ATP1B3: variants seen among roughly 807,000 people sequenced by gnomAD.
ATP1B3 encodes the protein ATPase Na+/K+ transporting subunit beta 3.
In ATP1B3, 10 loss-of-function variants were observed where a neutral mutation model predicts 30.2. That is an observed-to-expected ratio of 0.33 (90% CI 0.20 to 0.56). The LOEUF is 0.56. Among genes scored for constraint, ATP1B3 ranks in the 20% least tolerant of loss-of-function variants. The pLI is 0.90. For missense variants in ATP1B3, 238 were observed against 336.7 expected, an observed-to-expected ratio of 0.71 and a Z score of 2.29; for synonymous variants, 113 against 117.0, an observed-to-expected ratio of 0.97 and a Z score of 0.22.
intron 1 of ATP1B3, among the ~76,000 whole-genome samples, chr3:141,890,459 C>T (rs1473157773): frequency 2.5e-4 from 38 of 151,718 alleles, no homozygotes; most frequent in South Asian, 2.1e-4. Flanking sequence ...CCCGCCACTA[C>T]GCCCGGCTGA....
chr3:141,876,679 C>G lies in ATP1B3; in HGVS notation c.-123C>G, dbSNP rs1577952321. 4.6e-6 allele frequency: 3 copies of G among 648,192 alleles called. No homozygotes were observed. The highest frequency in any genetic ancestry group is 3.6e-5 in the East Asian group (1 of 27,862). 40.2% of individuals were successfully genotyped at this position (648,192 alleles called of 1,614,324 possible). On this transcript the variant is annotated 5_prime_UTR_variant, in exon 1 of 7. Coordinates refer to ENST00000286371, the MANE Select transcript of ATP1B3 (RefSeq NM_001679.4). ...GTACTCCCCGTAACGAGGAGGTGTTCTCGGCCGTCCCACCCTTCACTGCCG... is the reference window on the plus strand; with the variant it reads ...GTACTCCCCGTAACGAGGAGGTGTTGTCGGCCGTCCCACCCTTCACTGCCG...
chr3:141,911,242 G>A (rs1252789633), intron 3 of ATP1B3, among the ~76,000 whole-genome samples: 1 of 151,734 alleles, frequency 6.6e-6, no homozygotes, highest in Admixed American at 6.6e-5. Context: ...CTCTTACTTT[G>A]TTTTTACTTA....
chr3:141,897,285 CT>C (rs1934085328), intron 1 of ATP1B3, among the ~76,000 whole-genome samples: 2 of 152,230 alleles, frequency 1.3e-5, no homozygotes, highest in African/African-American at 4.8e-5. Flanking sequence ...TTTTCTTCCT[CT>C]TCCTGCTAGA....
chr3:141,890,076 A>G (rs1302778135), intron 1 of ATP1B3, among the ~76,000 whole-genome samples: 1 of 134,500 alleles, frequency 7.4e-6, no homozygotes, highest in Non-Finnish European at 1.5e-5. Context: ...CCTGTAATCT[A>G]ATTTTTTTTC....
At chr3:141,907,076 A>T (rs1272940670) in intron 2 of ATP1B3, 91 bp from the exon 3 acceptor site, 3 of 881,068 alleles carry the variant, frequency 3.4e-6, no homozygotes, top group East Asian at 2.7e-5. Flanking sequence ...ACAATTTTCC[A>T]TGTAATTTGC....
intron 5 of ATP1B3, among the ~76,000 whole-genome samples, chr3:141,917,663 C>T (rs1934490045): frequency 6.6e-6 from 1 of 152,068 alleles, no homozygotes; most frequent in Admixed American, 6.6e-5. Flanking sequence ...TTCTGCACTC[C>T]AGCCTGTTGG....
At chr3:141,892,518 C>T (rs895945362) in intron 1 of ATP1B3, among the ~76,000 whole-genome samples, 1 of 151,914 alleles carries the variant, frequency 6.6e-6, no homozygotes, top group South Asian at 2.1e-4. Flanking sequence ...ATAGGCTGGG[C>T]GCAGTGACAC....
intron 1 of ATP1B3, among the ~76,000 whole-genome samples, chr3:141,893,453 C>CT (rs1264012265): frequency 6.6e-6 from 1 of 151,954 alleles, no homozygotes; most frequent in Non-Finnish European, 1.5e-5. Flanking sequence ...TGTGGAGTTC[C>CT]TATTAGATTT....
At position 141,885,437 on chromosome 3, in the gene ATP1B3, T is replaced by C. The variant is rs113074263; in HGVS notation, c.109+8527T>C. 3.2e-3 allele frequency among the ~76,000 whole-genome samples: 481 copies of C among 151,668 alleles called. 3 individuals carry two copies. Among genetic ancestry groups the C allele is most frequent in the African/African-American group, 0.011 (468 of 41,044 alleles). On this transcript the variant is annotated intron_variant, in intron 1 of 6. Transcript: ENST00000286371. ...CTGGTAGTGCCTTTTCTTTTTTCTT[T>C]TCTTTTCTTTTTTTCTTTTTTTGTT...
chr3:141,922,174 G>A (rs1934574770), intron 6 of ATP1B3, 111 bp downstream of exon 6: 12 of 610,968 alleles, frequency 2.0e-5, no homozygotes, highest in Non-Finnish European at 1.4e-5. Context: ...TAATTTGTGC[G>A]TCATCTATTC....
At chr3:141,895,887 C>T (rs546143878) in intron 1 of ATP1B3, among the ~76,000 whole-genome samples, 98 of 152,120 alleles carry the variant, frequency 6.4e-4, no homozygotes, top group African/African-American at 2.3e-3. Flanking sequence ...TTACATGGTA[C>T]GGTCAGTCTT....
intron 1 of ATP1B3, among the ~76,000 whole-genome samples, chr3:141,893,585 A>G (rs550322216): frequency 6.6e-6 from 1 of 152,136 alleles, no homozygotes; most frequent in East Asian, 1.9e-4. Flanking sequence ...CTTCAGCTTG[A>G]CCAGTTCTCC....
chr3:141,920,512 G>C (rs1400049954), intron 5 of ATP1B3, among the ~76,000 whole-genome samples: 1 of 151,278 alleles, frequency 6.6e-6, no homozygotes, highest in Non-Finnish European at 1.5e-5. Flanking sequence ...AGGCAACAGA[G>C]TGAGACTCTG....
intron 1 of ATP1B3, among the ~76,000 whole-genome samples, chr3:141,895,122 T>G (rs7613107): frequency 0.6 from 89,953 of 151,118 alleles, 28,273 homozygotes; most frequent in African/African-American, 0.81. Flanking sequence ...ATGTTTTTTT[T>G]GGGGGGAGGG....
At chr3:141,877,003 C>A in intron 1 of ATP1B3, 93 bp downstream of exon 1, 1 of 1,016,672 alleles carries the variant, frequency 9.8e-7, no homozygotes, top group Non-Finnish European at 1.3e-6. Flanking sequence ...GAGGCGGCTC[C>A]CAGCGCCGGG....
rs1934471531 is a variant in ATP1B3 at position 141,916,759 on chromosome 3, A to G, written c.582+739A>G. Among the ~76,000 whole-genome samples the G allele has an allele frequency of 2.0e-5, 3 of 152,322 alleles. 1 individual carries two copies. Among genetic ancestry groups the G allele is most frequent in the Non-Finnish European group, 4.4e-5 (3 of 68,026 alleles). On this transcript the variant is annotated intron_variant, in intron 5 of 6. Transcript: ENST00000286371. ...TTATTTGGGCAGAAACTTCTTGCTC[A>G]GTGGTCTTCAAACTTGATCACTCAT...
chr3:141,889,748 A>ATATATATATATAT (rs1211554880), intron 1 of ATP1B3, among the ~76,000 whole-genome samples: 2 of 81,460 alleles, frequency 2.5e-5, no homozygotes, highest in African/African-American at 1.0e-4. Context: ...AAAAAAAAAA[A>ATATATATATATAT]AAATATATAC....
Position 141,926,235 on chromosome 3 carries a change from A to T in ATP1B3, c.*534A>T, listed in dbSNP as rs776879107. On this transcript the variant is annotated 3_prime_UTR_variant, in exon 7 of 7. Transcript: ENST00000286371. ...GTTCTTTGTAAAATTTATTTTTTACATGCTGAATTAGCCTCGATCTTTTTG... is the reference window on the plus strand; with the variant it reads ...GTTCTTTGTAAAATTTATTTTTTACTTGCTGAATTAGCCTCGATCTTTTTG... 5.3e-5 allele frequency: 8 copies of T among 152,286 alleles called. No homozygotes were observed. Among genetic ancestry groups the T allele is most frequent in the Non-Finnish European group, 1.0e-4 (7 of 68,054 alleles). 9.4% of individuals were successfully genotyped at this position (152,286 alleles called of 1,614,324 possible).
rs75678288 is a variant in ATP1B3 at position 141,901,186 on chromosome 3, T to C, written c.110-2434T>C. ...TAGGTACTATTTAGGCTGTATTTGC[T>C]GTTTTCTGCTTACATCAAGTAGCAC... On this transcript the variant is annotated intron_variant, in intron 1 of 6. Coordinates refer to ENST00000286371, the MANE Select transcript of ATP1B3 (RefSeq NM_001679.4). Among the ~76,000 whole-genome samples, 1,044 of 152,332 alleles carry C rather than the reference T, an allele frequency of 6.9e-3. 11 individuals are homozygous for C. The highest frequency in any genetic ancestry group is 0.024 in the African/African-American group (986 of 41,568).
Sources: gnomAD v4.1 joint callset for allele counts (sites outside exome capture counted in the v4.1 genomes callset) on GRCh38, gnomAD v4.1.1 for gene constraint, MANE v1.5 for transcripts, NCBI Gene and HGNC (gene_info 2026-07-23, HGNC 2026-07-21) for gene names.